The following PRKCB variants were observed in gnomAD, a reference collection of about 807,000 sequenced individuals.
PRKCB encodes protein kinase C beta type.
PRKCB carries 13 observed loss-of-function variants against 81.5 expected under a neutral mutation model. The observed-to-expected ratio is 0.16, with a 90% confidence interval of 0.10 to 0.25. PRKCB has a LOEUF of 0.25. Among genes scored for constraint, PRKCB ranks in the 10% least tolerant of loss-of-function variants. The probability of loss-of-function intolerance (pLI) is 1.00; values close to 1 mark genes in which losing one functional copy is unlikely to be tolerated. For synonymous variants in PRKCB, 335 were observed against 321.4 expected (o/e 1.04, Z -0.45); for missense variants, 509 against 875.7 (o/e 0.58, Z 5.29).
At chr16:24,041,881 G>A (rs57558757) in intron 5 of PRKCB, among the ~76,000 whole-genome samples, 31,441 of 151,704 alleles carry the variant, frequency 0.21, 3,580 homozygotes, top group South Asian at 0.37. Flanking sequence ...CTACTCAGGA[G>A]GCTGAGACAG....
In PRKCB at chr16:23,899,546, G is replaced by A. The variant is rs192351151; in HGVS notation, c.205+62140G>A. ...AGTACCAAACTTTGCATGTATATAC[G>A]TTTGAAACAAGCTTTGTAAATTACT... On this transcript the variant is annotated intron_variant, in intron 2 of 16. Coordinates refer to ENST00000643927, the MANE Select transcript of PRKCB (RefSeq NM_002738.7). Among the ~76,000 whole-genome samples the A allele has an allele frequency of 2.8e-4, 42 of 152,088 alleles. 1 individual carries two copies. The highest frequency in any genetic ancestry group is 9.7e-4 in the African/African-American group (40 of 41,442).
At position 23,882,000 on chromosome 16, in the gene PRKCB, T is replaced by TTCTCTTTCTTTCTTTCTTTC. The variant is rs1259357213; in HGVS notation, c.205+44597_205+44598insCTTTCTTTCTTTCTTTCTCT. ...TTTCTTTCTTTCTTTCTTTCTTTCT[T>TTCTCTTTCTTTCTTTCTTTC]TCTTTCTTTCTTTCTTTCTTTCTTC... On this transcript the variant is annotated intron_variant, in intron 2 of 16. Transcript: ENST00000643927. Among the ~76,000 whole-genome samples the TTCTCTTTCTTTCTTTCTTTC allele has an allele frequency of 1.1e-4, 9 of 81,702 alleles. No individual in the cohort carries two copies. In the South Asian group the frequency reaches 2.3e-3, roughly 21 times the overall value. 53.6% of individuals were successfully genotyped at this position (81,702 alleles called of 152,430 possible).
intron 2 of PRKCB, among the ~76,000 whole-genome samples, chr16:23,918,589 G>T (rs559782458): frequency 4.4e-4 from 67 of 151,988 alleles, no homozygotes; most frequent in Non-Finnish European, 7.5e-4. Flanking sequence ...TAGAGGTGGG[G>T]TCTTGCCATG....
chr16:24,050,158 C>G (rs1043283950), intron 5 of PRKCB, among the ~76,000 whole-genome samples: 1 of 152,186 alleles, frequency 6.6e-6, no homozygotes, highest in African/African-American at 2.4e-5. Flanking sequence ...AAAGATGGTT[C>G]ATAGGTGTCC....
intron 2 of PRKCB, among the ~76,000 whole-genome samples, chr16:23,970,118 A>G (rs1487466568): frequency 6.6e-6 from 1 of 152,254 alleles, no homozygotes; most frequent in Non-Finnish European, 1.5e-5. Context: ...AGTGTTGCTC[A>G]AATGACAGGG....
In PRKCB at chr16:24,217,525, A is replaced by G. The variant is rs1968247474; in HGVS notation, c.*2709A>G. 1.0e-6 allele frequency: 1 copy of G among 985,322 alleles called. No individual in the cohort carries two copies. The highest frequency in any genetic ancestry group is 1.2e-6 in the Non-Finnish European group (1 of 829,956). 61.0% of individuals were successfully genotyped at this position (985,322 alleles called of 1,614,324 possible). ...CCTCAAAGAAATGATCTCAACAGAG[A>G]AGCTTATTCTCTCCCAACTTCTACG... On this transcript the variant is annotated 3_prime_UTR_variant, in exon 17 of 17. Coordinates refer to ENST00000643927, the MANE Select transcript of PRKCB (RefSeq NM_002738.7).
chr16:23,901,355 TAACTC>T (rs772182796), intron 2 of PRKCB, among the ~76,000 whole-genome samples: 1 of 152,020 alleles, frequency 6.6e-6, no homozygotes, highest in Non-Finnish European at 1.5e-5. Flanking sequence ...AAAAAATCGT[TAACTC>T]AACGGGGGCG....
At position 24,216,154 on chromosome 16, in the gene PRKCB, C is replaced by G. The variant is rs1264267797; in HGVS notation, c.*1338C>G. 2 of 985,258 alleles carry G rather than the reference C, an allele frequency of 2.0e-6. No homozygotes were observed. Among genetic ancestry groups the G allele is most frequent in the South Asian group, 4.7e-5 (1 of 21,278 alleles). 61.0% of individuals were successfully genotyped at this position (985,258 alleles called of 1,614,324 possible). Reference sequence around the variant, plus strand: ...CCCAGTGTTCAGCCACTCGGAGGGGCGGGGGCTGTGGCCCATTCAGGGGCT... The same window carrying G: ...CCCAGTGTTCAGCCACTCGGAGGGGGGGGGGCTGTGGCCCATTCAGGGGCT... On this transcript the variant is annotated 3_prime_UTR_variant, in exon 17 of 17. Coordinates refer to ENST00000643927, the MANE Select transcript of PRKCB (RefSeq NM_002738.7).
chr16:23,976,323 C>A (rs750196105), intron 2 of PRKCB, among the ~76,000 whole-genome samples: 20 of 152,028 alleles, frequency 1.3e-4, no homozygotes, highest in Admixed American at 3.3e-4. Flanking sequence ...AACCGCCCCC[C>A]CAAAAACGGA....
Position 23,948,818 on chromosome 16 carries a change from G to A in PRKCB, c.206-39690G>A, listed in dbSNP as rs143071257. On this transcript the variant is annotated intron_variant, in intron 2 of 16. Coordinates refer to ENST00000643927, the MANE Select transcript of PRKCB (RefSeq NM_002738.7). ...CTAACTTGCTCAAGGTTCCACTGTCGATAAGTGGAGGCCCAGGATTTGAGT... is the reference window on the plus strand; with the variant it reads ...CTAACTTGCTCAAGGTTCCACTGTCAATAAGTGGAGGCCCAGGATTTGAGT... Among the ~76,000 whole-genome samples the A allele has an allele frequency of 7.2e-5, 11 of 152,284 alleles. No homozygotes were observed. The East Asian group carries it at 1.4e-3, about 19-fold the overall frequency.
chr16:24,193,686 A>T (rs1452262829), intron 16 of PRKCB, among the ~76,000 whole-genome samples: 2 of 152,094 alleles, frequency 1.3e-5, no homozygotes, highest in Non-Finnish European at 2.9e-5. Flanking sequence ...TGGCTTCCAG[A>T]AGAGGTCACA....
chr16:23,950,668 G>T (rs764893259), intron 2 of PRKCB, among the ~76,000 whole-genome samples: 2 of 152,222 alleles, frequency 1.3e-5, no homozygotes, highest in African/African-American at 4.8e-5. Context: ...GAACAGAGGG[G>T]CCTCCTGGCA....
In PRKCB at chr16:24,154,877, T is replaced by C. The variant is rs374599996; in HGVS notation, c.1239+20T>C. The C allele has an allele frequency of 6.2e-7, 1 of 1,609,012 alleles. No homozygotes were observed. Among genetic ancestry groups the C allele is most frequent in the Middle Eastern group, 1.7e-4 (1 of 5,818 alleles). ...ACCATGGTAACTTGTCCCATGGCCC[T>C]GGGTATTCCACCTCCAGGGCTTCAC... is the stretch of plus-strand genomic sequence containing the variant. On this transcript the variant is annotated intron_variant, in intron 10 of 16. Transcript: ENST00000643927.
At chr16:24,193,836 C>T (rs909560300) in intron 16 of PRKCB, among the ~76,000 whole-genome samples, 1 of 152,154 alleles carries the variant, frequency 6.6e-6, no homozygotes, top group Non-Finnish European at 1.5e-5. Context: ...GTTCACCTCC[C>T]GATGGCCTGC....
At position 24,114,654 on chromosome 16, in the gene PRKCB, T is replaced by G. The variant is rs116125034; in HGVS notation, c.918+1585T>G. Reference sequence around the variant, plus strand: ...TAGGTTTGAATACTTACATTATATGTGCATTGAGTGATTTTAGTAGTTTCC... The same window carrying G: ...TAGGTTTGAATACTTACATTATATGGGCATTGAGTGATTTTAGTAGTTTCC... On this transcript the variant is annotated intron_variant, in intron 8 of 16. Coordinates refer to ENST00000643927, the MANE Select transcript of PRKCB (RefSeq NM_002738.7). 9.0e-3 allele frequency among the ~76,000 whole-genome samples: 1,371 copies of G among 152,272 alleles called. 15 individuals carry two copies. The highest frequency in any genetic ancestry group is 0.031 in the African/African-American group (1,304 of 41,552).
chr16:23,911,538 G>A (rs1963653228), intron 2 of PRKCB, among the ~76,000 whole-genome samples: 1 of 152,130 alleles, frequency 6.6e-6, no homozygotes, highest in Admixed American at 6.5e-5. Flanking sequence ...TTTCCTGAGT[G>A]ACTTTAAGTT....
intron 2 of PRKCB, among the ~76,000 whole-genome samples, chr16:23,868,122 A>G (rs1424757922): frequency 6.6e-6 from 1 of 152,158 alleles, no homozygotes; most frequent in Non-Finnish European, 1.5e-5. Flanking sequence ...TGAAAAAACC[A>G]ATGTAGCCAT....
In PRKCB at chr16:24,163,038, G is replaced by A. The variant is rs1967286913; in HGVS notation, c.1239+8181G>A. 4.6e-5 allele frequency among the ~76,000 whole-genome samples: 7 copies of A among 152,294 alleles called. No individual in the cohort carries two copies. In the South Asian group the frequency reaches 1.4e-3, roughly 32 times the overall value. ...GTAAACATGACTTCGTTAGCTCCTT[G>A]CAGTTTGCCTATCTGGCAAATTCCC... On this transcript the variant is annotated intron_variant, in intron 10 of 16. Coordinates refer to ENST00000643927, the MANE Select transcript of PRKCB (RefSeq NM_002738.7).
At chr16:23,917,128 C>A (rs1963753022) in intron 2 of PRKCB, among the ~76,000 whole-genome samples, 1 of 152,050 alleles carries the variant, frequency 6.6e-6, no homozygotes, top group Non-Finnish European at 1.5e-5. Flanking sequence ...CGCTCTGTTG[C>A]CCAGACCGGA....
Sources: gnomAD v4.1 joint callset for allele counts (sites outside exome capture counted in the v4.1 genomes callset) on GRCh38, gnomAD v4.1.1 for gene constraint, MANE v1.5 for transcripts, NCBI Gene and HGNC (gene_info 2026-07-23, HGNC 2026-07-21) for gene names.